The following TMED6 variants were observed in gnomAD, a reference collection of about 807,000 sequenced individuals.
The protein encoded by TMED6 is transmembrane emp24 domain-containing protein 6.
In TMED6, 17 loss-of-function variants were observed where a neutral mutation model predicts 26.5. That is an observed-to-expected ratio of 0.64 (90% confidence interval 0.44 to 0.96). The LOEUF is 0.96. Among genes scored for constraint, TMED6 ranks in the 40% least tolerant of loss-of-function variants. TMED6 has a pLI of 0.00. For synonymous variants in TMED6, 107 were observed against 106.2 expected (o/e 1.01, Z -0.04); for missense variants, 309 against 296.5 (o/e 1.04, Z -0.31).
At position 69,347,861 on chromosome 16, in the gene TMED6, A is replaced by C; in HGVS notation, c.416T>G (p.Phe139Cys). 5.6e-6 allele frequency: 9 copies of C among 1,614,176 alleles called. No homozygotes were observed. The highest frequency in any genetic ancestry group is 7.6e-6 in the Non-Finnish European group (9 of 1,180,028). Residue 139 changes from phenylalanine (F) to cysteine (C), a missense_variant, in exon 3 of 4, where the codon TTC becomes TGC. By Grantham distance (205) the Phe-to-Cys change is radical. Coordinates refer to ENST00000288025, the MANE Select transcript of TMED6 (RefSeq NM_144676.4). Reference protein sequence around the residue: ...SVQVYLNFGVFYEGPETDHKQ... With the variant: ...SVQVYLNFGVCYEGPETDHKQ... ...GTGATCAGTCTCAGGCCCCTCATAG[A>C]AGACCCCAAAGTTGAGGTACACTTG...
rs140380269 is a variant in TMED6 at position 69,350,250 on chromosome 16, C to T, written c.214-599G>A. ...TCATGCCACTGCACTCCAGCCTGAG[C>T]GACAGAGCAACACTCTGTCAAAAAA... On this transcript the variant is annotated intron_variant, in intron 1 of 3. Coordinates refer to ENST00000288025, the MANE Select transcript of TMED6 (RefSeq NM_144676.4). Among the ~76,000 whole-genome samples the T allele has an allele frequency of 3.6e-3, 519 of 143,900 alleles. 3 individuals are homozygous for T. Among genetic ancestry groups the T allele is most frequent in the African/African-American group, 0.013 (491 of 38,534 alleles). 94.4% of individuals were successfully genotyped at this position (143,900 alleles called of 152,430 possible).
chr16:69,351,062 G>A (rs1416742545), intron 1 of TMED6, among the ~76,000 whole-genome samples: 3 of 151,884 alleles, frequency 2.0e-5, no homozygotes, highest in African/African-American at 7.3e-5. Context: ...AGGATTAACT[G>A]GCCGAATACA....
At chr16:69,345,476 G>A (rs1038358977) in intron 3 of TMED6, among the ~76,000 whole-genome samples, 2 of 151,970 alleles carry the variant, frequency 1.3e-5, no homozygotes, top group Admixed American at 6.6e-5. Context: ...AAGGTCAGGA[G>A]TTCAAGACCA....
chr16:69,351,170 G>T (rs1158710803), intron 1 of TMED6, among the ~76,000 whole-genome samples: 1 of 152,114 alleles, frequency 6.6e-6, no homozygotes, highest in African/African-American at 2.4e-5. Flanking sequence ...AGCCTTCTTT[G>T]AAATCTCTGG....
chr16:69,347,130 G>A (rs2012698890), intron 3 of TMED6, among the ~76,000 whole-genome samples: 1 of 152,136 alleles, frequency 6.6e-6, no homozygotes, highest in African/African-American at 2.4e-5. Flanking sequence ...CTAATGGGGA[G>A]TGGGATTTTG....
intron 3 of TMED6, among the ~76,000 whole-genome samples, chr16:69,345,643 A>G (rs1316783577): frequency 2.2e-5 from 3 of 136,014 alleles, no homozygotes; most frequent in Non-Finnish European, 4.6e-5. Context: ...AGATCACACC[A>G]CTGCACTCCA....
At chr16:69,344,752 G>A (rs965390163) in intron 3 of TMED6, among the ~76,000 whole-genome samples, 2 of 147,292 alleles carry the variant, frequency 1.4e-5, no homozygotes, top group African/African-American at 2.5e-5. Flanking sequence ...CAGCCTGGCC[G>A]ACAGCACAAG....
At chr16:69,345,966 C>T (rs2012680063) in intron 3 of TMED6, among the ~76,000 whole-genome samples, 7 of 152,044 alleles carry the variant, frequency 4.6e-5, no homozygotes, top group Admixed American at 4.6e-4. Flanking sequence ...GGTGTTGGGC[C>T]AACTGGCCTG....
At chr16:69,347,229 T>G (rs1348833828) in intron 3 of TMED6, among the ~76,000 whole-genome samples, 1 of 152,184 alleles carries the variant, frequency 6.6e-6, no homozygotes, top group Non-Finnish European at 1.5e-5. Flanking sequence ...ACTTACACAC[T>G]TTTAGATGGT....
intron 1 of TMED6, among the ~76,000 whole-genome samples, chr16:69,351,053 G>C (rs77276127): frequency 0.019 from 2,840 of 151,200 alleles, 89 homozygotes; most frequent in African/African-American, 0.065. Context: ...AAAAAAAATA[G>C]GATTAACTGG....
intron 3 of TMED6, among the ~76,000 whole-genome samples, chr16:69,344,256 G>A (rs982328853): frequency 6.6e-6 from 1 of 152,168 alleles, no homozygotes; most frequent in South Asian, 2.1e-4. Flanking sequence ...TATGTTCTCT[G>A]TATATGGTAG....
chr16:69,351,720 C>G lies in TMED6; in HGVS notation c.34G>C (p.Val12Leu). 1 of 1,613,500 alleles carries G rather than the reference C, an allele frequency of 6.2e-7. No individual in the cohort carries two copies. Among genetic ancestry groups the G allele is most frequent in the Non-Finnish European group, 8.5e-7 (1 of 1,179,998 alleles). ...CTGGCAGACGTCACTAGATTCAGAA[C>G]GACCAGCCCAGCCCCAAAGAGCAAA... is the stretch of plus-strand genomic sequence containing the variant. ...SPLLFGAGLV[V>L]LNLVTSARSQ... is the part of the protein sequence containing the mutation. Residue 12 changes from valine to leucine, a missense_variant, in exon 1 of 4, where the codon GTT (valine) becomes CTT (leucine). Coordinates refer to ENST00000288025, the MANE Select transcript of TMED6 (RefSeq NM_144676.4).
Position 69,351,568 on chromosome 16 carries a change from C to T in TMED6, c.186G>A (p.Gln62=). The change falls in exon 1 of 4, where the codon CAG becomes CAA. Residue 62 remains glutamine (Q), a synonymous_variant. Transcript: ENST00000288025. The stretch of plus-strand genomic sequence containing the variant: ...CGTAACTGAAATAGAAGTATCCAGT[C>T]TGGTGGGCAAATTGCCAAAAGCATT... ...GTECFWQFAH[Q]TGYFYFSYEV... is the part of the protein sequence containing the mutation. 6.2e-7 allele frequency: 1 copy of T among 1,614,096 alleles called. No homozygotes were observed. The highest frequency in any genetic ancestry group is 8.5e-7 in the Non-Finnish European group (1 of 1,180,020).
chr16:69,346,535 G>A (rs1284352651), intron 3 of TMED6, among the ~76,000 whole-genome samples: 4 of 152,090 alleles, frequency 2.6e-5, no homozygotes, highest in African/African-American at 4.8e-5. Context: ...AGGCCGAGGC[G>A]GGCCAATCAC....
At chr16:69,347,153 G>T (rs973133747) in intron 3 of TMED6, among the ~76,000 whole-genome samples, 1 of 152,122 alleles carries the variant, frequency 6.6e-6, no homozygotes, top group Non-Finnish European at 1.5e-5. Flanking sequence ...GGTGGGGTGG[G>T]TGATAAACTT....
At position 69,343,579 on chromosome 16, in the gene TMED6, C is replaced by T. The variant is rs761786130; in HGVS notation, c.551G>A (p.Arg184Gln). 1.9e-5 allele frequency: 31 copies of T among 1,614,132 alleles called. No homozygotes were observed. The highest frequency in any genetic ancestry group is 2.4e-5 in the Non-Finnish European group (28 of 1,180,022). The change falls in exon 4 of 4, where the codon CGG (arginine) becomes CAG (glutamine). Residue 184 changes from arginine (R) to glutamine (Q), a missense_variant. Arg to Gln is a conservative substitution (Grantham distance 43). Transcript: ENST00000288025. ...FHMWRYYNFA[R>Q]MRKMADFFLI... ...GAAAAAGTCAGCCATTTTCCTCATC[C>T]GGGCAAAGTTGTAGTATCGCCACAT...
chr16:69,348,980 T>C (rs940943315), intron 2 of TMED6, among the ~76,000 whole-genome samples: 23 of 152,212 alleles, frequency 1.5e-4, no homozygotes, highest in African/African-American at 5.5e-4. Context: ...CTGATGCCCC[T>C]GTTGAGAAAA....
At chr16:69,343,752 A>G in intron 3 of TMED6, 112 bp from the exon 4 acceptor site, 2 of 790,846 alleles carry the variant, frequency 2.5e-6, no homozygotes, top group Non-Finnish European at 4.2e-6. Flanking sequence ...ATATGATTTT[A>G]AGATGTACAA....
chr16:69,347,985 G>C, intron 2 of TMED6, 49 bp from the exon 3 acceptor site: 1 of 1,597,990 alleles, frequency 6.3e-7, no homozygotes. Context: ...CCTCCCCTTT[G>C]TTAAGGATTC....
Sources: gnomAD v4.1 joint callset for allele counts (sites outside exome capture counted in the v4.1 genomes callset) on GRCh38, gnomAD v4.1.1 for gene constraint, MANE v1.5 for transcripts, NCBI Gene and HGNC (gene_info 2026-07-23, HGNC 2026-07-21) for gene names.